The following SEMA5A variants were observed in gnomAD, a reference collection of about 807,000 sequenced individuals.
The protein encoded by SEMA5A is semaphorin-5A.
SEMA5A carries 55 observed loss-of-function variants against 135.5 expected under a neutral mutation model. That is an observed-to-expected ratio of 0.41 (90% CI 0.33 to 0.51). The LOEUF (loss-of-function observed/expected upper bound fraction) is 0.51, where lower values mean the gene tolerates loss of function less well. Ranked by LOEUF, SEMA5A falls within the 20% of genes least tolerant of loss-of-function variation. The pLI is 0.37. For missense variants in SEMA5A, 1,290 were observed against 1,419.9 expected (o/e 0.91, Z 1.47); for synonymous variants, 580 against 546.5 (o/e 1.06, Z -0.85).
intron 5 of SEMA5A, among the ~76,000 whole-genome samples, chr5:9,254,635 T>A (rs937240840): frequency 5.9e-5 from 9 of 152,020 alleles, no homozygotes; most frequent in East Asian, 1.9e-4. Context: ...ATTTTTTTTT[T>A]AAATTTAAGA....
At chr5:9,081,617 A>C (rs922838330) in intron 16 of SEMA5A, among the ~76,000 whole-genome samples, 2 of 152,114 alleles carry the variant, frequency 1.3e-5, no homozygotes, top group Non-Finnish European at 2.9e-5. Context: ...TACATAGGCA[A>C]TTTGAGGTGT....
At chr5:9,435,010 T>A (rs1757981025) in intron 2 of SEMA5A, among the ~76,000 whole-genome samples, 1 of 152,210 alleles carries the variant, frequency 6.6e-6, no homozygotes, top group Non-Finnish European at 1.5e-5. Flanking sequence ...CCTTTAAGTA[T>A]CAGAAGTATC....
chr5:9,180,150 C>G (rs79867387), intron 11 of SEMA5A, among the ~76,000 whole-genome samples: 3,763 of 152,262 alleles, frequency 0.025, 68 homozygotes, highest in Non-Finnish European at 0.038. Flanking sequence ...GATTAAGGGT[C>G]CACTGTACTC....
At position 9,050,428 on chromosome 5, in the gene SEMA5A, C is replaced by T. The variant is rs767603785; in HGVS notation, c.2875G>A (p.Glu959Lys). Residue 959 changes from glutamate to lysine, a missense_variant, in exon 21 of 23, where the codon GAA becomes AAA. By Grantham distance (56) the Glu-to-Lys change is moderately conservative (BLOSUM62 1). This residue lies in a region of SEMA5A where 1,029 missense variants were observed against 1,086.6 expected (regional missense o/e 0.95). Transcript: ENST00000382496. ...EVSVARSSSV[E>K]EKRCGEFNMF... ...AACGTACCTCCACACCTTTTCTCTT[C>T]TACGCTACTGGATCTTGCCACAGAT... The T allele has an allele frequency of 6.2e-7, 1 of 1,612,944 alleles. No homozygotes were observed. The highest frequency in any genetic ancestry group is 1.7e-5 in the Admixed American group (1 of 59,878).
At chr5:9,377,532 G>A (rs1317841712) in intron 3 of SEMA5A, among the ~76,000 whole-genome samples, 4 of 151,140 alleles carry the variant, frequency 2.6e-5, no homozygotes, top group Non-Finnish European at 4.4e-5. Context: ...AAATATATAC[G>A]CGAGGACAAA....
At chr5:9,352,408 G>A (rs1257532130) in intron 3 of SEMA5A, among the ~76,000 whole-genome samples, 1 of 151,844 alleles carries the variant, frequency 6.6e-6, no homozygotes, top group East Asian at 1.9e-4. Flanking sequence ...AGTTTATGGC[G>A]CTGGCTAATT....
chr5:9,225,743 G>A (rs759560656), intron 7 of SEMA5A, among the ~76,000 whole-genome samples: 23 of 151,878 alleles, frequency 1.5e-4, no homozygotes, highest in South Asian at 4.2e-4. Context: ...ATAGCTAAGC[G>A]TCTTGGAGTC....
At chr5:9,112,292 A>T (rs1740284741) in intron 15 of SEMA5A, among the ~76,000 whole-genome samples, 1 of 152,194 alleles carries the variant, frequency 6.6e-6, no homozygotes, top group African/African-American at 2.4e-5. Flanking sequence ...TTCCATATGG[A>T]CTAGATTCTC....
intron 4 of SEMA5A, among the ~76,000 whole-genome samples, chr5:9,326,075 C>G (rs1264772463): frequency 6.6e-6 from 1 of 152,200 alleles, no homozygotes; most frequent in African/African-American, 2.4e-5. Context: ...TTGGGGAAGG[C>G]TGAGAGCTGA....
intron 3 of SEMA5A, among the ~76,000 whole-genome samples, chr5:9,377,628 G>A (rs987182112): frequency 6.6e-6 from 1 of 152,034 alleles, no homozygotes; most frequent in East Asian, 1.9e-4. Context: ...ATTCTAAAAT[G>A]ACTGTGTACT....
At chr5:9,478,948 T>C (rs950689298) in intron 1 of SEMA5A, among the ~76,000 whole-genome samples, 1 of 152,168 alleles carries the variant, frequency 6.6e-6, no homozygotes, top group Admixed American at 6.5e-5. Flanking sequence ...AATCCCCACA[T>C]GTTGAGGGAG....
At position 9,338,687 on chromosome 5, in the gene SEMA5A, C is replaced by A. The variant is rs367933034; in HGVS notation, c.125-875G>T. ...CTTGGATTTAGTATTTTGAATAACA[C>A]CACCCTGACTAACCAGGCACATAAC... On this transcript the variant is annotated intron_variant, in intron 3 of 22. Transcript: ENST00000382496. Among the ~76,000 whole-genome samples, 11 of 152,220 alleles carry A rather than the reference C, an allele frequency of 7.2e-5. No homozygotes were observed. In the East Asian group the frequency reaches 1.2e-3, roughly 16 times the overall value.
chr5:9,489,306 G>A (rs1007822942), intron 1 of SEMA5A, among the ~76,000 whole-genome samples: 6 of 152,106 alleles, frequency 3.9e-5, no homozygotes, highest in East Asian at 1.9e-4. Flanking sequence ...GGCAGGTGCG[G>A]TGTTAGGCTT....
At chr5:9,357,184 C>T (rs1754487407) in intron 3 of SEMA5A, among the ~76,000 whole-genome samples, 1 of 152,106 alleles carries the variant, frequency 6.6e-6, no homozygotes, top group Non-Finnish European at 1.5e-5. Flanking sequence ...ACTGACTTTT[C>T]ATAATTATAA....
At chr5:9,386,108 C>A (rs1050351110) in intron 2 of SEMA5A, among the ~76,000 whole-genome samples, 6 of 152,152 alleles carry the variant, frequency 3.9e-5, no homozygotes, top group African/African-American at 1.4e-4. Flanking sequence ...CTGGAACGTG[C>A]TTTTCAAATG....
At chr5:9,278,079 G>A (rs998331729) in intron 5 of SEMA5A, among the ~76,000 whole-genome samples, 21 of 150,296 alleles carry the variant, frequency 1.4e-4, no homozygotes, top group South Asian at 6.3e-4. Flanking sequence ...AAAATCAGCC[G>A]TATTTACTAA....
chr5:9,101,176 C>T (rs1167009329), intron 16 of SEMA5A, among the ~76,000 whole-genome samples: 11 of 152,198 alleles, frequency 7.2e-5, no homozygotes, highest in Non-Finnish European at 2.9e-5. Flanking sequence ...ATACAACAAA[C>T]TTCTATAAGC....
chr5:9,452,479 A>G (rs747729808), intron 1 of SEMA5A, among the ~76,000 whole-genome samples: 2 of 152,208 alleles, frequency 1.3e-5, no homozygotes, highest in African/African-American at 2.4e-5. Context: ...GGCAAGATGC[A>G]TCCCACCTCA....
At chr5:9,270,123 G>A (rs958355954) in intron 5 of SEMA5A, among the ~76,000 whole-genome samples, 1 of 152,096 alleles carries the variant, frequency 6.6e-6, no homozygotes, top group African/African-American at 2.4e-5. Context: ...AGGCAGAGAG[G>A]TCCTGTGTGA....
Sources: gnomAD v4.1 joint callset for allele counts (sites outside exome capture counted in the v4.1 genomes callset) on GRCh38, gnomAD v4.1.1 for gene constraint, gnomAD v4.1.1 regional missense constraint, MANE v1.5 for transcripts, NCBI Gene and HGNC (gene_info 2026-07-23, HGNC 2026-07-21) for gene names.